Variants in TRMT11 observed in about 807,000 individuals in gnomAD.
TRMT11 encodes tRNA (guanine(10)-N(2))-methyltransferase TRMT11.
Under a neutral mutation model 62.8 loss-of-function variants are expected in TRMT11, and 53 were observed. That is an observed-to-expected ratio of 0.84 (90% CI 0.68 to 1.06). The LOEUF is 1.06. Among genes scored for constraint, TRMT11 ranks in the 50% least tolerant of loss-of-function variants. The pLI is 0.00. For synonymous variants in TRMT11, 188 were observed against 190.3 expected (o/e 0.99, Z 0.10); for missense variants, 556 against 553.4 (o/e 1.00, Z -0.05).
chr6:126,173,106 A>G (rs1778348589), upstream of TRMT11, among the ~76,000 whole-genome samples: 1 of 152,188 alleles, frequency 6.6e-6, no homozygotes, highest in Non-Finnish European at 1.5e-5. Context: ...TCTGGTGCTC[A>G]GGGTATGGCA....
chr6:126,009,457 G>C (rs1793856889), intron 8 of TRMT11: 1 of 151,930 alleles, frequency 6.6e-6, no homozygotes, highest in Non-Finnish European at 1.5e-5. Context: ...TCATTTTATT[G>C]ATGATTTTGA....
chr6:126,088,362 G>A (rs901515174), intron 17 of TRMT11, among the ~76,000 whole-genome samples: 1 of 151,992 alleles, frequency 6.6e-6, no homozygotes, highest in South Asian at 2.1e-4. Context: ...TTCAACTCTG[G>A]ATGTACATTT....
At chr6:126,151,149 A>G (rs1195954996) in intron 21 of TRMT11, among the ~76,000 whole-genome samples, 2 of 152,046 alleles carry the variant, frequency 1.3e-5, no homozygotes, top group Admixed American at 6.6e-5. Context: ...CTCTTTTTAT[A>G]TCGATCAAAT....
chr6:126,155,983 C>T (rs1010975848), intron 21 of TRMT11, among the ~76,000 whole-genome samples: 2 of 152,134 alleles, frequency 1.3e-5, no homozygotes, highest in African/African-American at 4.8e-5. Flanking sequence ...GCCTCAGCCT[C>T]CCAAAGTGCT....
chr6:126,162,289 G>A (rs1778200274), intron 21 of TRMT11, among the ~76,000 whole-genome samples: 1 of 152,188 alleles, frequency 6.6e-6, no homozygotes. Flanking sequence ...GGCAAAGCCA[G>A]ATTTCCCAAC....
At chr6:126,200,991 T>G (rs1005485692) in intron 3 of TRMT11, among the ~76,000 whole-genome samples, 2 of 152,142 alleles carry the variant, frequency 1.3e-5, no homozygotes, top group African/African-American at 2.4e-5. Flanking sequence ...GAATAGGGGG[T>G]GTTTAGACAA....
intron 16 of TRMT11, among the ~76,000 whole-genome samples, chr6:126,049,173 A>G (rs140255281): frequency 3.4e-4 from 52 of 152,144 alleles, no homozygotes; most frequent in African/African-American, 1.2e-3. Context: ...GACTCAGCAC[A>G]TTGCTCCAAA....
intron 17 of TRMT11, among the ~76,000 whole-genome samples, chr6:126,069,054 T>G (rs2128136994): frequency 6.6e-6 from 1 of 152,344 alleles, no homozygotes; most frequent in South Asian, 2.1e-4. Context: ...GGAAATCCAA[T>G]CATTTTGGTT....
chr6:126,164,933 A>G lies in TRMT11; in HGVS notation c.*1824-9892A>G, dbSNP rs541867955. Among the ~76,000 whole-genome samples the G allele has an allele frequency of 1.2e-4, 18 of 152,178 alleles. No individual in the cohort carries two copies. The South Asian group carries it at 2.9e-3, about 25-fold the overall frequency. ...CTGATGGGTCTTGACTCTTTATCCA[A>G]TGTGCTAGTCTGTGTCTTTTAACTG... On this transcript the variant is annotated intron_variant and NMD_transcript_variant, in intron 21 of 22. Transcript: ENST00000648977.
the TRMT11 span, among the ~76,000 whole-genome samples, chr6:126,218,291 C>A: frequency 6.6e-6 from 1 of 152,168 alleles, no homozygotes; most frequent in Non-Finnish European, 1.5e-5. Flanking sequence ...CACAAGGAGT[C>A]TCTCCTCATA....
the TRMT11 span, among the ~76,000 whole-genome samples, chr6:126,267,063 T>G: frequency 2.0e-5 from 3 of 152,306 alleles, no homozygotes; most frequent in East Asian, 3.9e-4. Flanking sequence ...AGGCCCTGTT[T>G]CCACATGGGT....
chr6:126,257,779 A>T, the TRMT11 span: 1 of 593,618 alleles, frequency 1.7e-6, no homozygotes, highest in South Asian at 2.0e-5. Context: ...GAAGAACCCC[A>T]AAAATGGAAA....
At position 126,156,021 on chromosome 6, in the gene TRMT11, C is replaced by T. The variant is rs546833676; in HGVS notation, c.*1824-18804C>T. ...GATTACAGGTGTGAGCCACCGTGCCCAGCCTTTTGGAAGTTATTAAATCTT... is the reference window on the plus strand; with the variant it reads ...GATTACAGGTGTGAGCCACCGTGCCTAGCCTTTTGGAAGTTATTAAATCTT... On this transcript the variant is annotated intron_variant and NMD_transcript_variant, in intron 21 of 22. Coordinates refer to the TRMT11 transcript ENST00000648977. 5.5e-4 allele frequency among the ~76,000 whole-genome samples: 83 copies of T among 152,288 alleles called. 2 individuals carry two copies. The South Asian group carries it at 6.2e-3, about 11-fold the overall frequency.
intron 21 of TRMT11, among the ~76,000 whole-genome samples, chr6:126,166,327 G>T (rs1390248920): frequency 6.6e-6 from 1 of 152,042 alleles, no homozygotes; most frequent in Non-Finnish European, 1.5e-5. Context: ...TTTTGCATGG[G>T]CATCCTTTTT....
intron 12 of TRMT11, among the ~76,000 whole-genome samples, chr6:126,030,699 GTAGAAGAAATCAT>G (rs1774036371): frequency 1.3e-5 from 2 of 152,148 alleles, no homozygotes; most frequent in Admixed American, 1.3e-4. Context: ...TACTAGGGAG[GTAGAAGAAATCAT>G]TATATCATTA....
chr6:126,153,146 T>C (rs373404246), intron 21 of TRMT11, among the ~76,000 whole-genome samples: 1 of 152,212 alleles, frequency 6.6e-6, no homozygotes. Flanking sequence ...CTTGGAAATA[T>C]CATTCCAGGA....
chr6:126,178,080 T>C (rs961323676), intron 1 of TRMT11, among the ~76,000 whole-genome samples: 1 of 152,234 alleles, frequency 6.6e-6, no homozygotes, highest in Non-Finnish European at 1.5e-5. Context: ...GAATACTCTA[T>C]GTTAAAAAAT....
At chr6:125,994,820 C>T (rs182485051) in intron 2 of TRMT11, among the ~76,000 whole-genome samples, 3 of 152,280 alleles carry the variant, frequency 2.0e-5, no homozygotes, top group Non-Finnish European at 2.9e-5. Context: ...GAGATCATGT[C>T]CTTTGCAGGG....
downstream of TRMT11, among the ~76,000 whole-genome samples, chr6:126,042,355 G>T (rs1264574070): frequency 1.3e-5 from 2 of 152,160 alleles, no homozygotes; most frequent in Non-Finnish European, 2.9e-5. Context: ...CTGGAATTTG[G>T]CTCTTATCCC....
Sources: gnomAD v4.1 joint callset for allele counts (sites outside exome capture counted in the v4.1 genomes callset) on GRCh38, gnomAD v4.1.1 for gene constraint, MANE v1.5 for transcripts, NCBI Gene and HGNC (gene_info 2026-07-23, HGNC 2026-07-21) for gene names.